The following FBXW10B variants were observed in gnomAD, a reference collection of about 807,000 sequenced individuals.
FBXW10B encodes F-box and WD repeat domain containing 10B.
At chr17:15,616,580 G>A in the FBXW10B span, among the ~76,000 whole-genome samples, 158 of 152,060 alleles carry the variant, frequency 1.0e-3, 1 homozygote, top group Non-Finnish European at 1.6e-3. Context: ...TGAGGCAGGC[G>A]GATCACAAGG....
chr17:15,607,446 G>C, the FBXW10B span: 2 of 717,894 alleles, frequency 2.8e-6, no homozygotes, highest in East Asian at 5.9e-5. Context: ...TCATGTGCGA[G>C]TTTAGGGCTG....
At chr17:15,614,398 G>C in the FBXW10B span, among the ~76,000 whole-genome samples, 836 of 151,710 alleles carry the variant, frequency 5.5e-3, 10 homozygotes, top group African/African-American at 0.019. Flanking sequence ...GTTTCACCGT[G>C]TTAGCCAGGA....
At chr17:15,605,490 C>T in the FBXW10B span, 1 of 1,211,826 alleles carries the variant, frequency 8.3e-7, no homozygotes, top group African/African-American at 1.6e-5. Context: ...ACTGACTTAG[C>T]CCCATGACTT....
chr17:15,588,108 T>A, the FBXW10B span, among the ~76,000 whole-genome samples: 1 of 152,236 alleles, frequency 6.6e-6, no homozygotes, highest in South Asian at 2.1e-4. Flanking sequence ...ATAATCATTA[T>A]CATTGTAGAG....
At chr17:15,587,989 T>C in the FBXW10B span, among the ~76,000 whole-genome samples, 29 of 152,270 alleles carry the variant, frequency 1.9e-4, 2 homozygotes, top group South Asian at 5.8e-3. Context: ...AACATGCATA[T>C]AAGCAGGAAC....
At chr17:15,603,120 A>T in the FBXW10B span, among the ~76,000 whole-genome samples, 2 of 141,798 alleles carry the variant, frequency 1.4e-5, no homozygotes, top group African/African-American at 5.2e-5. Flanking sequence ...CCGACCTCAG[A>T]TGATCCGCCT....
the FBXW10B span, among the ~76,000 whole-genome samples, chr17:15,576,184 TA>T: frequency 6.6e-6 from 1 of 152,218 alleles, no homozygotes; most frequent in Non-Finnish European, 1.5e-5. Flanking sequence ...CTTATATATA[TA>T]TTTTTAGTGA....
the FBXW10B span, chr17:15,619,433 C>T: frequency 2.2e-5 from 36 of 1,613,830 alleles, no homozygotes; most frequent in African/African-American, 2.7e-5. Context: ...CTCACACTTC[C>T]GGCATAGAGG....
chr17:15,619,372 C>A, the FBXW10B span: 2 of 1,613,826 alleles, frequency 1.2e-6, no homozygotes, highest in Non-Finnish European at 1.7e-6. Context: ...TGTCATTGAT[C>A]CTGCAGAACC....
At chr17:15,569,173 T>C in the FBXW10B span, 10 of 726,874 alleles carry the variant, frequency 1.4e-5, no homozygotes, top group Non-Finnish European at 1.9e-5. Context: ...GATTGCTGGA[T>C]CAAATGGTAG....
At chr17:15,569,119 A>C in the FBXW10B span, 1 of 646,186 alleles carries the variant, frequency 1.5e-6, no homozygotes, top group East Asian at 3.4e-5. Flanking sequence ...TATCTTTTTG[A>C]TTAATGTTGA....
chr17:15,589,037 T>A, the FBXW10B span: 1 of 1,609,184 alleles, frequency 6.2e-7, no homozygotes, highest in Non-Finnish European at 8.5e-7. Flanking sequence ...GTTGGGGCCA[T>A]CCCGCCTGTC....
chr17:15,603,186 T>C, the FBXW10B span, among the ~76,000 whole-genome samples: 3 of 151,506 alleles, frequency 2.0e-5, no homozygotes, highest in Non-Finnish European at 2.9e-5. Context: ...GCCTGGCCCA[T>C]ATTGAGAATT....
At chr17:15,600,645 C>A in the FBXW10B span, among the ~76,000 whole-genome samples, 1 of 151,976 alleles carries the variant, frequency 6.6e-6, no homozygotes, top group Non-Finnish European at 1.5e-5. Context: ...AGAAGGGGAA[C>A]AAGATGAAGA....
chr17:15,609,702 A>G, the FBXW10B span, among the ~76,000 whole-genome samples: 1 of 152,014 alleles, frequency 6.6e-6, no homozygotes, highest in East Asian at 1.9e-4. Flanking sequence ...CACAGTTTAT[A>G]CTCATGCTAT....
chr17:15,592,971 G>A, the FBXW10B span, among the ~76,000 whole-genome samples: 2 of 148,482 alleles, frequency 1.3e-5, no homozygotes, highest in Admixed American at 1.4e-4. Context: ...GGGCATACTG[G>A]TGGGCGCCTG....
At chr17:15,595,255 G>A in the FBXW10B span, among the ~76,000 whole-genome samples, 2 of 152,082 alleles carry the variant, frequency 1.3e-5, no homozygotes, top group Admixed American at 6.5e-5. Context: ...CAGGATATTC[G>A]CTTGAACCAG....
the FBXW10B span, chr17:15,607,591 A>C: frequency 6.2e-7 from 1 of 1,613,766 alleles, no homozygotes. Context: ...AGAGAATGCG[A>C]ACATTGTAGG....
chr17:15,608,183 A>C, the FBXW10B span, among the ~76,000 whole-genome samples: 1 of 140,134 alleles, frequency 7.1e-6, no homozygotes, highest in Non-Finnish European at 1.5e-5. Flanking sequence ...TTTTTTTCAG[A>C]CGGAGTCTCG....
Sources: gnomAD v4.1 joint callset for allele counts (sites outside exome capture counted in the v4.1 genomes callset) on GRCh38, gnomAD v4.1.1 for gene constraint, MANE v1.5 for transcripts, NCBI Gene and HGNC (gene_info 2026-07-23, HGNC 2026-07-21) for gene names.